The following IL2RB variants were observed in gnomAD, a reference collection of about 807,000 sequenced individuals.
IL2RB encodes the protein interleukin 2 receptor subunit beta.
IL2RB carries 17 observed loss-of-function variants against 44.2 expected under a neutral mutation model. The ratio of observed to expected loss-of-function variants is 0.38; its 90% CI spans 0.26 to 0.58. The LOEUF (loss-of-function observed/expected upper bound fraction) is 0.58. IL2RB is among the 20% of genes least tolerant of loss of function. The pLI is 0.63. For missense variants in IL2RB, 624 were observed against 685.5 expected (o/e 0.91, Z 1.00); for synonymous variants, 286 against 297.9 (o/e 0.96, Z 0.41).
chr22:37,136,386 G>C lies in IL2RB; in HGVS notation c.545C>G (p.Pro182Arg). 6.2e-7 allele frequency: 1 copy of C among 1,608,668 alleles called. No homozygotes were observed. The highest frequency in any genetic ancestry group is 1.3e-5 in the African/African-American group (1 of 74,786). ...LSPGHTWEEAPLLTLKQKQEW... is the reference protein window; with the variant it reads ...LSPGHTWEEARLLTLKQKQEW... Reference sequence around the variant, plus strand: ...CTGCTTCTGCTTGAGAGTCAGCAGGGGGGCCTCCTGGGTCGGAGACAGGAC... The same window carrying C: ...CTGCTTCTGCTTGAGAGTCAGCAGGCGGGCCTCCTGGGTCGGAGACAGGAC... Residue 182 changes from proline (P) to arginine (R), a missense_variant, in exon 7 of 10, where the codon CCC (proline) becomes CGC (arginine). This residue lies in a region of IL2RB where 255 missense variants were observed against 339.9 expected (regional missense o/e 0.75). Coordinates refer to ENST00000216223, the MANE Select transcript of IL2RB (RefSeq NM_000878.5).
Position 37,128,612 on chromosome 22 carries a change from C to A in IL2RB, c.1140G>T (p.Val380=), listed in dbSNP as rs775624588. 2.5e-6 allele frequency: 4 copies of A among 1,614,020 alleles called. No homozygotes were observed. Among genetic ancestry groups the A allele is most frequent in the Non-Finnish European group, 3.4e-6 (4 of 1,179,994 alleles). The change falls in exon 10 of 10, where the codon GTG becomes GTT. Residue 380 remains valine, a synonymous_variant. Transcript: ENST00000216223. This position sits in a 1 kb window ranked among gnomAD's most constrained non-coding sequence, Gnocchi z 4.5. The part of the protein sequence containing the change: ...PDALEIEACQ[V]YFTYDPYSEE... ...CTGAGTAGGGGTCGTAAGTAAAGTA[C>A]ACCTGGCAGGCCTCTATCTCCAAGG...
upstream of IL2RB, among the ~76,000 whole-genome samples, chr22:37,150,840 G>C (rs946317846): frequency 6.6e-6 from 1 of 151,818 alleles, no homozygotes; most frequent in African/African-American, 2.4e-5. Flanking sequence ...GTCTTTTTGT[G>C]CCTGGCCTGT....
At chr22:37,164,234 C>T (rs1023937190) in intron 1 of IL2RB, among the ~76,000 whole-genome samples, 2 of 152,130 alleles carry the variant, frequency 1.3e-5, no homozygotes, top group African/African-American at 4.8e-5. Context: ...CAAAAGTACC[C>T]GAGAACCCCA....
chr22:37,163,081 G>A (rs1291112360), intron 1 of IL2RB, among the ~76,000 whole-genome samples: 1 of 152,240 alleles, frequency 6.6e-6, no homozygotes, highest in Non-Finnish European at 1.5e-5. Context: ...GCTCCCTGCA[G>A]TCATCACTGC....
chr22:37,164,496 G>A (rs1299635914), intron 1 of IL2RB, among the ~76,000 whole-genome samples: 1 of 151,120 alleles, frequency 6.6e-6, no homozygotes, highest in Admixed American at 6.6e-5. Flanking sequence ...TGGGGGTGGT[G>A]GGCAGGGGGG....
In IL2RB at chr22:37,131,531, G is replaced by A. The variant is rs183851200; in HGVS notation, c.903+853C>T. 1.4e-4 allele frequency among the ~76,000 whole-genome samples: 21 copies of A among 152,312 alleles called. No homozygotes were observed. The East Asian group carries it at 3.5e-3, about 25-fold the overall frequency. ...TAGAGCGTTACTGATCTGCGGGCCG[G>A]CACTTTAAAAATGAATCGGTGTTTT... On this transcript the variant is annotated intron_variant, in intron 9 of 9. Coordinates refer to ENST00000216223, the MANE Select transcript of IL2RB (RefSeq NM_000878.5).
chr22:37,157,410 C>A (rs1922717687), intron 1 of IL2RB, among the ~76,000 whole-genome samples: 1 of 152,178 alleles, frequency 6.6e-6, no homozygotes, highest in South Asian at 2.1e-4. Flanking sequence ...AGACCTGAAG[C>A]CCCACGTTCT....
chr22:37,128,870 G>T lies in IL2RB; in HGVS notation c.904-22C>A, dbSNP rs372433805. 1.9e-6 allele frequency: 3 copies of T among 1,574,328 alleles called. No individual in the cohort carries two copies. Among genetic ancestry groups the T allele is most frequent in the African/African-American group, 2.7e-5 (2 of 74,234 alleles). On this transcript the variant is annotated intron_variant, in intron 9 of 9. Coordinates refer to ENST00000216223, the MANE Select transcript of IL2RB (RefSeq NM_000878.5). The surrounding 1 kb of genome is among the most constrained non-coding windows in gnomAD (Gnocchi z 4.5). ...ACTTCTGGTGGGAGAAAGGCCAGGG[G>T]TGGGTGAGTGGGGGCTTCCTTCACC...
chr22:37,149,384 G>A (rs1047309161), intron 1 of IL2RB, among the ~76,000 whole-genome samples: 5 of 152,154 alleles, frequency 3.3e-5, no homozygotes, highest in Non-Finnish European at 7.4e-5. Context: ...TGATGAGCAC[G>A]CAACACAGGG....
intron 1 of IL2RB, among the ~76,000 whole-genome samples, chr22:37,145,620 G>T (rs1459080152): frequency 6.6e-6 from 1 of 151,968 alleles, no homozygotes; most frequent in African/African-American, 2.4e-5. Flanking sequence ...AAGATAAGGG[G>T]ACTGCTTCCA....
At chr22:37,174,879 A>T (rs1365112880) in intron 1 of IL2RB, 1 of 152,230 alleles carries the variant, frequency 6.6e-6, no homozygotes, top group Non-Finnish European at 1.5e-5. Flanking sequence ...AGCTGGCTGT[A>T]TTAGTTCGTT....
chr22:37,173,302 T>G (rs1318534957), intron 1 of IL2RB, among the ~76,000 whole-genome samples: 1 of 152,088 alleles, frequency 6.6e-6, no homozygotes, highest in Non-Finnish European at 1.5e-5. Flanking sequence ...GTAATGTCTC[T>G]CTCCCCTATT....
At chr22:37,132,111 C>A (rs998070613) in intron 9 of IL2RB, among the ~76,000 whole-genome samples, 1 of 152,128 alleles carries the variant, frequency 6.6e-6, no homozygotes. Context: ...CTGTTTTTCT[C>A]CTCATCTAAC....
At chr22:37,151,890 C>G (rs1476584107), upstream of IL2RB, among the ~76,000 whole-genome samples, 1 of 152,162 alleles carries the variant, frequency 6.6e-6, no homozygotes, top group Non-Finnish European at 1.5e-5. Flanking sequence ...GGATTTGTTT[C>G]TGGGTTCCCT....
chr22:37,143,803 G>A (rs1922089660), intron 2 of IL2RB, among the ~76,000 whole-genome samples, 168 bp from the exon 3 acceptor site: 1 of 152,150 alleles, frequency 6.6e-6, no homozygotes, highest in Admixed American at 6.5e-5. Context: ...AGGAAATGGA[G>A]CTCCAGAGCC....
Position 37,128,710 on chromosome 22 carries a change from A to G in IL2RB, c.1042T>C (p.Ser348Pro). ...LQQDKVPEPASLSSNHSLTSC... is the reference protein window; with the variant it reads ...LQQDKVPEPAPLSSNHSLTSC... ...GTCAGCGAGTGGTTGCTGCTTAAGG[A>G]TGCGGGCTCAGGCACCTTGTCCTGC... The change falls in exon 10 of 10, where the codon TCC becomes CCC. Residue 348 changes from serine (S) to proline (P), a missense_variant. This residue lies in a region of IL2RB where 291 missense variants were observed against 275.5 expected (regional missense o/e 1.06). Transcript: ENST00000216223. The surrounding 1 kb of genome is among the most constrained non-coding windows in gnomAD (Gnocchi z 4.5). 6.2e-7 allele frequency: 1 copy of G among 1,614,160 alleles called. No homozygotes were observed.
At position 37,125,910 on chromosome 22, in the gene IL2RB, G is replaced by C. The variant is rs1451330806; in HGVS notation, c.*2186C>G. 6.6e-6 allele frequency: 1 copy of C among 151,994 alleles called. No homozygotes were observed. The highest frequency in any genetic ancestry group is 1.5e-5 in the Non-Finnish European group (1 of 68,010). The allele number at this position is 151,994 out of a possible 1,614,324, so 9.4% of individuals were successfully genotyped here. A position where few individuals can be genotyped will look rare whatever the true frequency, so the allele number is the denominator to read the frequency against. ...GAAAATGGGTTTTTTCATTTACAGA[G>C]TAACAAAGATTTTTCTTTAAATAAA... On this transcript the variant is annotated 3_prime_UTR_variant, in exon 10 of 10. Transcript: ENST00000216223.
intron 1 of IL2RB, among the ~76,000 whole-genome samples, chr22:37,157,424 C>T (rs1361381033): frequency 6.6e-6 from 1 of 152,212 alleles, no homozygotes; most frequent in African/African-American, 2.4e-5. Flanking sequence ...ACGTTCTTCC[C>T]TGTTCATCCG....
At chr22:37,129,126 C>A (rs1921294555) in intron 9 of IL2RB, among the ~76,000 whole-genome samples, 1 of 152,230 alleles carries the variant, frequency 6.6e-6, no homozygotes, top group Non-Finnish European at 1.5e-5. Flanking sequence ...TCTGATTGCT[C>A]AAGAGTGACT....
Sources: gnomAD v4.1 joint callset for allele counts (sites outside exome capture counted in the v4.1 genomes callset) on GRCh38, gnomAD v4.1.1 for gene constraint, gnomAD v4.1.1 regional missense constraint, Gnocchi (gnomAD v3.1) non-coding constraint, MANE v1.5 for transcripts, NCBI Gene and HGNC (gene_info 2026-07-23, HGNC 2026-07-21) for gene names.